NEK5: variants seen among roughly 807,000 people sequenced by gnomAD.
NEK5 encodes the protein NIMA related kinase 5.
NEK5 carries 88 observed loss-of-function variants against 109.2 expected under a neutral mutation model. That is an observed-to-expected ratio of 0.81 (90% confidence interval 0.68 to 0.96). NEK5 has a LOEUF of 0.96. Among genes scored for constraint, NEK5 ranks in the 40% least tolerant of loss-of-function variants. The pLI is 0.00. For missense variants in NEK5, 834 were observed against 920.7 expected, an observed-to-expected ratio of 0.91 and a Z score of 1.22; for synonymous variants, 283 against 299.9, an observed-to-expected ratio of 0.94 and a Z score of 0.58.
At chr13:52,037,474 T>TA (rs1053953000) in intron 23 of NEK5, among the ~76,000 whole-genome samples, 7 of 150,736 alleles carry the variant, frequency 4.6e-5, no homozygotes, top group Non-Finnish European at 8.9e-5. Flanking sequence ...AAGAGAGAAT[T>TA]AAAAAAAAAG....
intron 1 of NEK5, among the ~76,000 whole-genome samples, chr13:52,127,959 G>A (rs1956100783): frequency 6.6e-6 from 1 of 152,048 alleles, no homozygotes; most frequent in Non-Finnish European, 1.5e-5. Flanking sequence ...TATGGGGGTG[G>A]GGAAGCTGTT....
intron 8 of NEK5, among the ~76,000 whole-genome samples, chr13:52,107,635 G>T (rs1213155923): frequency 6.6e-6 from 1 of 151,776 alleles, no homozygotes; most frequent in African/African-American, 2.4e-5. Flanking sequence ...TACAAAGGCT[G>T]TAATGTAACA....
intron 3 of NEK5, among the ~76,000 whole-genome samples, chr13:52,125,991 T>C (rs1342518175): frequency 1.3e-5 from 2 of 152,322 alleles, no homozygotes; most frequent in African/African-American, 2.4e-5. Flanking sequence ...TGCAATTTTT[T>C]GTGGTAAGAT....
At chr13:52,068,964 C>G (rs1184505150) in intron 20 of NEK5, among the ~76,000 whole-genome samples, 1 of 129,250 alleles carries the variant, frequency 7.7e-6, no homozygotes, top group Admixed American at 8.5e-5. Flanking sequence ...GAGGGAGACT[C>G]CCTCTCAAAA....
At chr13:52,088,880 C>A (rs1955212394) in intron 14 of NEK5, among the ~76,000 whole-genome samples, 1 of 151,726 alleles carries the variant, frequency 6.6e-6, no homozygotes, top group Non-Finnish European at 1.5e-5. Context: ...CACCCGAGAT[C>A]AGGAGTTCGA....
chr13:52,118,206 C>T (rs1955899534), intron 4 of NEK5, among the ~76,000 whole-genome samples: 1 of 152,206 alleles, frequency 6.6e-6, no homozygotes, highest in Non-Finnish European at 1.5e-5. Context: ...TTTTACCCAA[C>T]TGATGATGCT....
At chr13:52,112,178 T>C in intron 5 of NEK5, 90 bp downstream of exon 5, 1 of 605,520 alleles carries the variant, frequency 1.7e-6, no homozygotes, top group South Asian at 2.8e-5. Flanking sequence ...ATGCTTTATA[T>C]CAACATAGTC....
At chr13:52,055,131 C>T (rs931358141) in intron 22 of NEK5, among the ~76,000 whole-genome samples, 7 of 152,054 alleles carry the variant, frequency 4.6e-5, no homozygotes, top group African/African-American at 1.7e-4. Flanking sequence ...AAAACCAAGG[C>T]TCGAGAACTA....
At chr13:52,063,573 A>G (rs1954634140) in intron 21 of NEK5, among the ~76,000 whole-genome samples, 1 of 120,826 alleles carries the variant, frequency 8.3e-6, no homozygotes, top group Admixed American at 9.5e-5. Context: ...CTGGCTGCCC[A>G]GTCTGGAAAG....
chr13:52,062,235 C>G (rs112975723), intron 21 of NEK5: 3 of 152,250 alleles, frequency 2.0e-5, no homozygotes, highest in African/African-American at 7.2e-5. Context: ...AGGGGAAACT[C>G]AATTTATAGA....
rs1042283155 is a variant in NEK5, at chr13:52,047,120, T to C, written c.2228+2984A>G. 3.9e-3 allele frequency among the ~76,000 whole-genome samples: 598 copies of C among 152,226 alleles called. 4 individuals are homozygous for C. The highest frequency in any genetic ancestry group is 0.013 in the African/African-American group (551 of 41,516). On this transcript the variant is annotated intron_variant, in intron 23 of 23. Transcript: ENST00000684899. ...CACACTGAGCAAGAGAATGGGGAAA[T>C]AGGCACTTCTAGATACTGATGTTAA... is the stretch of plus-strand genomic sequence containing the variant.
At chr13:52,086,467 G>T in intron 15 of NEK5, 104 bp from the exon 16 acceptor site, 1 of 751,510 alleles carries the variant, frequency 1.3e-6, no homozygotes, top group East Asian at 2.5e-5. Context: ...TATAAAATAA[G>T]GTTAGAAAAA....
At chr13:52,116,595 G>T (rs970642691) in intron 4 of NEK5, among the ~76,000 whole-genome samples, 6 of 152,196 alleles carry the variant, frequency 3.9e-5, no homozygotes, top group African/African-American at 1.4e-4. Flanking sequence ...AACTAGCTGA[G>T]ACTCCGGGCA....
rs1167425214 is a variant in NEK5, at chr13:52,104,497, C to A, written c.609+1G>T. 1.3e-6 allele frequency: 2 copies of A among 1,584,204 alleles called. No individual in the cohort carries two copies. Among genetic ancestry groups the A allele is most frequent in the Non-Finnish European group, 1.7e-6 (2 of 1,153,084 alleles). On this transcript the variant is annotated splice_donor_variant, in intron 9 of 23. Coordinates refer to ENST00000684899, the MANE Select transcript of NEK5 (RefSeq NM_001365552.1). LOFTEE classifies it high-confidence loss of function. ...ATTAGTCTGACAATGAGCATACTTA[C>A]AGGATGTTTAAGTGTGCAGAGCTCA...
chr13:52,127,055 A>AT lies in NEK5; in HGVS notation c.117+310dup, dbSNP rs905938918. On this transcript the variant is annotated intron_variant, in intron 3 of 23. Coordinates refer to ENST00000684899, the MANE Select transcript of NEK5 (RefSeq NM_001365552.1). The stretch of plus-strand genomic sequence containing the variant: ...TTTCTTTTCTATTTTCATTAAAAAA[A>AT]TTTTTTTTTAGCAGGGACAGGGTCT... Among the ~76,000 whole-genome samples, 7 of 151,630 alleles carry AT rather than the reference A, an allele frequency of 4.6e-5. No individual in the cohort carries two copies. The East Asian group carries it at 7.8e-4, about 17-fold the overall frequency.
At chr13:52,108,168 G>T in intron 8 of NEK5, 150 bp downstream of exon 8, 1 of 557,268 alleles carries the variant, frequency 1.8e-6, no homozygotes, top group South Asian at 2.8e-5. Flanking sequence ...CCTCAGTTTG[G>T]TCCAGAACAA....
chr13:52,112,857 TAGATTAC>T (rs1181005510), intron 4 of NEK5, among the ~76,000 whole-genome samples: 1 of 152,190 alleles, frequency 6.6e-6, no homozygotes, highest in Non-Finnish European at 1.5e-5. Context: ...AACCACTCAC[TAGATTAC>T]AGGACACTCT....
chr13:52,127,240 A>G (rs1956082010), intron 3 of NEK5, 126 bp downstream of exon 3: 2 of 613,744 alleles, frequency 3.3e-6, no homozygotes, highest in Non-Finnish European at 5.8e-6. Context: ...AGGAGGTTGA[A>G]TTAACAAAAA....
At chr13:52,052,039 C>CA (rs1391271989) in intron 22 of NEK5, among the ~76,000 whole-genome samples, 1 of 152,102 alleles carries the variant, frequency 6.6e-6, no homozygotes, top group Admixed American at 6.5e-5. Context: ...ATCAAGGACT[C>CA]AAAAGCATGC....
Sources: allele counts gnomAD v4.1 joint callset (sites outside exome capture counted in the v4.1 genomes callset), GRCh38; gene constraint gnomAD v4.1.1; transcripts MANE v1.5; gene names NCBI Gene and HGNC (gene_info 2026-07-23, HGNC 2026-07-21).